PYGO1: variants seen among roughly 807,000 people sequenced by gnomAD.
PYGO1 encodes the protein pygopus homolog 1.
PYGO1 carries 6 observed loss-of-function variants against 29.5 expected under a neutral mutation model. The observed-to-expected ratio is 0.20, with a 90% CI of 0.11 to 0.40. The LOEUF (loss-of-function observed/expected upper bound fraction) is 0.40. Ranked by LOEUF, PYGO1 falls within the 10% of genes least tolerant of loss-of-function variation. The probability of loss-of-function intolerance (pLI) is 1.00; values close to 1 mark genes in which losing one functional copy is unlikely to be tolerated. For missense variants in PYGO1, 515 were observed against 514.9 expected (o/e 1.00, Z 0.00); for synonymous variants, 186 against 180.5 (o/e 1.03, Z -0.24).
chr15:55,555,940 C>A (rs931175231), intron 1 of PYGO1, among the ~76,000 whole-genome samples: 1 of 151,974 alleles, frequency 6.6e-6, no homozygotes, highest in Non-Finnish European at 1.5e-5. Context: ...AAGTTCAATT[C>A]AACAAGAATA....
chr15:55,568,546 A>T (rs1279771123), intron 1 of PYGO1, among the ~76,000 whole-genome samples: 1 of 152,144 alleles, frequency 6.6e-6, no homozygotes, highest in African/African-American at 2.4e-5. Flanking sequence ...ATTGTCAGCA[A>T]AGAGAAATAG....
At chr15:55,579,030 T>TA (rs1384949579) in intron 1 of PYGO1, among the ~76,000 whole-genome samples, 4 of 152,212 alleles carry the variant, frequency 2.6e-5, no homozygotes, top group Non-Finnish European at 5.9e-5. Flanking sequence ...TAATTTTAAT[T>TA]TGATGTTATA....
chr15:55,574,545 G>A (rs1042242672), intron 1 of PYGO1, among the ~76,000 whole-genome samples: 7 of 151,910 alleles, frequency 4.6e-5, no homozygotes, highest in African/African-American at 1.7e-4. Flanking sequence ...TAATTTGTTG[G>A]TATTTCTAGG....
chr15:55,555,843 A>C (rs2058902413), intron 1 of PYGO1, among the ~76,000 whole-genome samples: 1 of 152,226 alleles, frequency 6.6e-6, no homozygotes, highest in Admixed American at 6.5e-5. Context: ...AAATTTATCA[A>C]GAAAATGAAA....
intron 1 of PYGO1, among the ~76,000 whole-genome samples, chr15:55,549,737 C>T (rs1345993705): frequency 6.6e-6 from 1 of 152,152 alleles, no homozygotes; most frequent in East Asian, 1.9e-4. Context: ...AAAGCAAAAG[C>T]TTGACTATCA....
At chr15:55,573,259 C>T (rs1231186538) in intron 1 of PYGO1, among the ~76,000 whole-genome samples, 1 of 151,750 alleles carries the variant, frequency 6.6e-6, no homozygotes, top group African/African-American at 2.4e-5. Flanking sequence ...TGAGCCAAGA[C>T]TGTGCCACTG....
intron 1 of PYGO1, among the ~76,000 whole-genome samples, chr15:55,551,383 T>C (rs1041077485): frequency 1.3e-5 from 2 of 152,136 alleles, no homozygotes; most frequent in Admixed American, 1.3e-4. Context: ...TCCACTTAAA[T>C]AGAAGCAGAG....
At chr15:55,569,311 T>C (rs141629962) in intron 1 of PYGO1, among the ~76,000 whole-genome samples, 42 of 152,264 alleles carry the variant, frequency 2.8e-4, no homozygotes, top group Admixed American at 1.1e-3. Flanking sequence ...AGTTATTTCA[T>C]TTCTTCTGCT....
rs752364093 is a variant in PYGO1, at chr15:55,541,758, G to C, written c.*4265C>G. 1.3e-5 allele frequency: 2 copies of C among 152,228 alleles called. No individual in the cohort carries two copies. The highest frequency in any genetic ancestry group is 2.4e-5 in the African/African-American group (1 of 41,448). The allele number at this position is 152,228 out of a possible 1,614,324, so 9.4% of individuals were successfully genotyped here. The stretch of plus-strand genomic sequence containing the variant: ...ATTTCACCAGAGTTTAGCATGGTAA[G>C]GGGGCAAATGCAAAGAAACCCACAC... On this transcript the variant is annotated 3_prime_UTR_variant, in exon 3 of 3. Transcript: ENST00000563719.
Position 55,545,850 on chromosome 15 carries a change from CAGCAAGCAA to C in PYGO1, c.*164_*172del. 1 of 626,832 alleles carries C rather than the reference CAGCAAGCAA, an allele frequency of 1.6e-6. No homozygotes were observed. The highest frequency in any genetic ancestry group is 2.6e-6 in the Non-Finnish European group (1 of 384,520). The allele number at this position is 626,832 out of a possible 1,614,324, so 38.8% of individuals were successfully genotyped here. ...CCATATACATTATTCTCATTTAAGA[CAGCAAGCAA>C]AGACAATAAAAAATTTGCTCTAGTG... On this transcript the variant is annotated 3_prime_UTR_variant, in exon 3 of 3. Transcript: ENST00000563719.
chr15:55,550,211 A>G (rs1432796120), intron 1 of PYGO1, among the ~76,000 whole-genome samples: 1 of 152,148 alleles, frequency 6.6e-6, no homozygotes. Flanking sequence ...TTCCTTGCAA[A>G]GTATTAACTG....
At position 55,562,104 on chromosome 15, in the gene PYGO1, GATC is replaced by G. The variant is rs543728767; in HGVS notation, c.50-13112_50-13110del. ...ACATGAAAAAAAGCTCAACATCACT[GATC>G]ATTAGAGAAATGCAAATCAAAACCA... On this transcript the variant is annotated intron_variant, in intron 1 of 2. Transcript: ENST00000563719. Among the ~76,000 whole-genome samples, 16 of 152,212 alleles carry G rather than the reference GATC, an allele frequency of 1.1e-4. 1 individual carries two copies. In the East Asian group the frequency reaches 2.9e-3, roughly 28 times the overall value.
At chr15:55,574,388 G>A (rs546295241) in intron 1 of PYGO1, among the ~76,000 whole-genome samples, 41 of 152,280 alleles carry the variant, frequency 2.7e-4, no homozygotes, top group African/African-American at 9.9e-4. Flanking sequence ...TGCAAATGGT[G>A]CCACGTAGGG....
chr15:55,588,892 G>T, upstream of PYGO1: 1 of 1,604,432 alleles, frequency 6.2e-7, no homozygotes. Flanking sequence ...CCGCGTGGCC[G>T]TGGTGTGGAC....
intron 1 of PYGO1, among the ~76,000 whole-genome samples, chr15:55,581,950 C>T (rs1431883651): frequency 3.9e-5 from 6 of 152,018 alleles, no homozygotes; most frequent in African/African-American, 1.4e-4. Context: ...CTCATGCCTA[C>T]AATCCCAGCA....
At chr15:55,587,662 C>T (rs542031355) in intron 1 of PYGO1, among the ~76,000 whole-genome samples, 173 bp downstream of exon 1, 1 of 151,958 alleles carries the variant, frequency 6.6e-6, no homozygotes, top group South Asian at 2.1e-4. Flanking sequence ...CGGGGGCCAG[C>T]GGGCGCCCGG....
intron 1 of PYGO1, among the ~76,000 whole-genome samples, chr15:55,558,817 T>C (rs1227063995): frequency 1.3e-5 from 2 of 152,080 alleles, no homozygotes; most frequent in African/African-American, 4.8e-5. Flanking sequence ...TCCTTACACC[T>C]TATACAAAAA....
intron 1 of PYGO1, among the ~76,000 whole-genome samples, chr15:55,581,457 A>C (rs1393663479): frequency 3.9e-5 from 6 of 152,214 alleles, no homozygotes; most frequent in African/African-American, 1.4e-4. Context: ...TTTTTACTCT[A>C]AAGGTAATAG....
In PYGO1 at chr15:55,583,151, T is replaced by C. The variant is rs551371464; in HGVS notation, c.49+4684A>G. On this transcript the variant is annotated intron_variant, in intron 1 of 2. Coordinates refer to ENST00000563719, the MANE Select transcript of PYGO1 (RefSeq NM_001367806.1). ...ATGTGTATACCTGATGCTAACCTTG[T>C]TCCCTTAGCTGCAAAGACCTGATTT... 5.3e-5 allele frequency among the ~76,000 whole-genome samples: 8 copies of C among 152,344 alleles called. 1 individual carries two copies. In the South Asian group the frequency reaches 1.7e-3, roughly 32 times the overall value.
Sources: allele counts gnomAD v4.1 joint callset (sites outside exome capture counted in the v4.1 genomes callset), GRCh38; gene constraint gnomAD v4.1.1; transcripts MANE v1.5; gene names NCBI Gene and HGNC (gene_info 2026-07-23, HGNC 2026-07-21).